The following BRWD3 variants were observed in gnomAD, a reference collection of about 807,000 sequenced individuals.
BRWD3 encodes bromodomain and WD repeat-containing protein 3.
A neutral mutation model predicts 149.7 loss-of-function variants in BRWD3; 10 were observed. That is an observed-to-expected ratio of 0.07 (90% CI 0.04 to 0.11). The LOEUF (loss-of-function observed/expected upper bound fraction) is 0.11, where lower values mean the gene tolerates loss of function less well. Among genes scored for constraint, BRWD3 ranks in the 10% least tolerant of loss-of-function variants. The pLI is 1.00. For missense variants in BRWD3, 940 were observed against 1,373.2 expected (o/e 0.68, Z 4.99); for synonymous variants, 504 against 456.7 (o/e 1.10, Z -1.32).
At chrX:80,718,413 G>C (rs991957896) in intron 18 of BRWD3, among the ~76,000 whole-genome samples, 1 of 111,652 alleles carries the variant, frequency 9.0e-6, no homozygotes, top group African/African-American at 3.2e-5. Context: ...AGTCAGTGGG[G>C]TCTCTTGACT....
At position 80,809,769 on chromosome X, in the gene BRWD3, G is replaced by GAGAGAGAC. The variant is rs2074393501; in HGVS notation, c.-299_-298insGTCTCTCT. On this transcript the variant is annotated 5_prime_UTR_variant, in exon 1 of 41. Transcript: ENST00000373275. ...GAGAGAGAGAGGAAAAAGAGAGAGA[G>GAGAGAGAC]AGAGAGAGAGAGAGAGAGAGAGAGA... 1.0e-5 allele frequency: 1 copy of GAGAGAGAC among 95,390 alleles called. No homozygotes were observed. The highest frequency in any genetic ancestry group is 1.9e-5 in the Non-Finnish European group (1 of 52,842). 7.9% of individuals were successfully genotyped at this position (95,390 alleles called of 1,213,427 possible). A position where few individuals can be genotyped will look rare whatever the true frequency, so the allele number is the denominator to read the frequency against.
chrX:80,808,070 G>GCC (rs1254529382), intron 4 of BRWD3, among the ~76,000 whole-genome samples: 2 of 12,988 alleles, frequency 1.5e-4, no homozygotes, highest in Non-Finnish European at 3.1e-4. Flanking sequence ...CTGCCCCCCC[G>GCC]CCCCCCCCAA....
At chrX:80,794,817 G>A (rs980122841) in intron 4 of BRWD3, among the ~76,000 whole-genome samples, 1 of 110,961 alleles carries the variant, frequency 9.0e-6, no homozygotes, top group Non-Finnish European at 1.9e-5. Flanking sequence ...CACAGGTGAT[G>A]AGTAAACTCT....
intron 14 of BRWD3, among the ~76,000 whole-genome samples, chrX:80,727,250 C>T (rs2073264590): frequency 9.0e-6 from 1 of 111,324 alleles, no homozygotes; most frequent in Admixed American, 9.6e-5. Context: ...TAGCCCATTC[C>T]AATCTATTCC....
At position 80,670,872 on chromosome X, in the gene BRWD3, T is replaced by C. The variant is rs949945379; in HGVS notation, c.*5737A>G. ...AGTCTACTTTTTTCCTAAATGCATTTTTTTTATTCTAAATACACAAAATAC... is the reference window on the plus strand; with the variant it reads ...AGTCTACTTTTTTCCTAAATGCATTCTTTTTATTCTAAATACACAAAATAC... On this transcript the variant is annotated 3_prime_UTR_variant, in exon 41 of 41. Transcript: ENST00000373275. 2 of 111,819 alleles carry C rather than the reference T, an allele frequency of 1.8e-5. No homozygotes were observed. The highest frequency in any genetic ancestry group is 3.8e-5 in the Non-Finnish European group (2 of 53,221). The allele number at this position is 111,819 out of a possible 1,213,427, so 9.2% of individuals were successfully genotyped here.
chrX:80,681,945 A>G (rs1355943030), intron 39 of BRWD3, 52 bp downstream of exon 39: 6 of 970,113 alleles, frequency 6.2e-6, no homozygotes, highest in Non-Finnish European at 8.9e-6. Flanking sequence ...TATATCCTTA[A>G]TATCAGAATT....
rs34820109 is a variant in BRWD3 at position 80,730,142 on chromosome X, C to A, written c.1128-122G>T. On this transcript the variant is annotated intron_variant, in intron 12 of 40. Coordinates refer to ENST00000373275, the MANE Select transcript of BRWD3 (RefSeq NM_153252.5). ...AGGGGAATGTAAAATGGTACAGTCA[C>A]TTTGGAAAACAGCTTGGCAGTTCTT... The A allele has an allele frequency of 0.07, 34,582 of 494,862 alleles. 1,050 individuals carry two copies. Among genetic ancestry groups the A allele is most frequent in the Middle Eastern group, 0.12 (221 of 1,768 alleles). The allele number at this position is 494,862 out of a possible 1,213,427, so 40.8% of individuals were successfully genotyped here.
chrX:80,803,637 A>T (rs1308773996), intron 4 of BRWD3, among the ~76,000 whole-genome samples: 2 of 112,213 alleles, frequency 1.8e-5, no homozygotes, highest in Non-Finnish European at 3.8e-5. Flanking sequence ...CCTATCAGTT[A>T]GCATTATATG....
Position 80,776,011 on chromosome X carries a change from G to A in BRWD3, c.430+15843C>T, listed in dbSNP as rs376412799. ...CATCACAGAGTCAAAAAATAGCAGA[G>A]GCTCAATCTAGGTCTCCTGATTCTA... On this transcript the variant is annotated intron_variant, in intron 6 of 40. Transcript: ENST00000373275. 5.4e-5 allele frequency among the ~76,000 whole-genome samples: 6 copies of A among 111,993 alleles called. No individual in the cohort carries two copies. In the East Asian group the frequency reaches 1.4e-3, roughly 26 times the overall value.
chrX:80,769,047 C>T (rs1193942945), intron 6 of BRWD3, among the ~76,000 whole-genome samples: 1 of 111,473 alleles, frequency 9.0e-6, no homozygotes, highest in African/African-American at 3.3e-5. Context: ...TCTAACTATC[C>T]TAAATATATA....
intron 6 of BRWD3, among the ~76,000 whole-genome samples, chrX:80,770,778 A>C (rs2073934922): frequency 9.0e-6 from 1 of 111,600 alleles, no homozygotes; most frequent in South Asian, 3.8e-4. Context: ...AAAGAAATAA[A>C]GGGTATTCGA....
intron 8 of BRWD3, among the ~76,000 whole-genome samples, chrX:80,736,611 T>C (rs1348166739): frequency 1.8e-5 from 2 of 112,054 alleles, no homozygotes; most frequent in Admixed American, 9.5e-5. Context: ...CTTTTTTAGA[T>C]GTAAGCCATT....
At chrX:80,683,716 A>C (rs2072485885) in intron 37 of BRWD3, among the ~76,000 whole-genome samples, 1 of 111,577 alleles carries the variant, frequency 9.0e-6, no homozygotes, top group Non-Finnish European at 1.9e-5. Flanking sequence ...ATTTCACATA[A>C]ATCAACACTG....
intron 8 of BRWD3, among the ~76,000 whole-genome samples, chrX:80,736,696 T>TA (rs914827560): frequency 2.2e-4 from 20 of 90,896 alleles, no homozygotes; most frequent in South Asian, 8.7e-4. Context: ...GAGATCAAGT[T>TA]AAAAAAAAAA....
At chrX:80,749,146 T>C (rs1415840024) in intron 6 of BRWD3, among the ~76,000 whole-genome samples, 1 of 112,346 alleles carries the variant, frequency 8.9e-6, no homozygotes, top group African/African-American at 3.2e-5. Flanking sequence ...ATACTCCACA[T>C]GTACTTGAGC....
At chrX:80,801,606 G>A (rs755395909) in intron 4 of BRWD3, among the ~76,000 whole-genome samples, 7 of 109,403 alleles carry the variant, frequency 6.4e-5, no homozygotes, top group Non-Finnish European at 1.1e-4. Context: ...TTTGGGAGGC[G>A]TAGGTGGGCT....
intron 30 of BRWD3, 94 bp from the exon 31 acceptor site, chrX:80,691,267 G>A: frequency 1.1e-6 from 1 of 916,282 alleles, no homozygotes; most frequent in Non-Finnish European, 1.5e-6. Flanking sequence ...AGAAGGGAGG[G>A]TGATATACTA....
chrX:80,685,420 T>C (rs773499002), intron 36 of BRWD3, 42 bp downstream of exon 36: 1 of 1,107,769 alleles, frequency 9.0e-7, no homozygotes, highest in Non-Finnish European at 1.2e-6. Flanking sequence ...GTTTAGAAAG[T>C]AAAAACAATC....
At chrX:80,696,665 G>T (rs2072703689) in intron 26 of BRWD3, 74 bp downstream of exon 26, 3 of 1,104,344 alleles carry the variant, frequency 2.7e-6, no homozygotes. Flanking sequence ...CTCCCATTGA[G>T]CACTGTACTC....
Sources: allele counts gnomAD v4.1 joint callset (sites outside exome capture counted in the v4.1 genomes callset), GRCh38; gene constraint gnomAD v4.1.1; transcripts MANE v1.5; gene names NCBI Gene and HGNC (gene_info 2026-07-23, HGNC 2026-07-21).